Variants in ESR1 observed in about 807,000 individuals in gnomAD.
ESR1 encodes the protein estrogen receptor.
In ESR1, 12 loss-of-function variants were observed where a neutral mutation model predicts 52.7. The observed-to-expected ratio is 0.23, with a 90% CI of 0.15 to 0.37. The LOEUF (loss-of-function observed/expected upper bound fraction) is 0.37. Among genes scored for constraint, ESR1 ranks in the 10% least tolerant of loss-of-function variants. The pLI is 1.00. For missense variants in ESR1, 584 were observed against 779.7 expected (o/e 0.75, Z 2.99); for synonymous variants, 305 against 316.8 (o/e 0.96, Z 0.39).
intron 1 of ESR1, among the ~76,000 whole-genome samples, chr6:151,669,724 G>A (rs1293956): frequency 0.28 from 42,156 of 152,036 alleles, 6,466 homozygotes; most frequent in East Asian, 0.41. Context: ...CCAGCACAGA[G>A]CCTGGCCCGT....
At chr6:151,728,627 C>T (rs1336816820) in intron 2 of ESR1, among the ~76,000 whole-genome samples, 1 of 152,126 alleles carries the variant, frequency 6.6e-6, no homozygotes, top group African/African-American at 2.4e-5. Flanking sequence ...TGTATACAAC[C>T]ATTAAACCAC....
At chr6:151,764,170 G>C (rs897971789) in intron 2 of ESR1, among the ~76,000 whole-genome samples, 14 of 152,200 alleles carry the variant, frequency 9.2e-5, no homozygotes, top group African/African-American at 3.1e-4. Flanking sequence ...GACTTTCAAT[G>C]CTAAAACTGG....
intron 2 of ESR1, among the ~76,000 whole-genome samples, chr6:151,765,521 T>G (rs1422924107): frequency 6.6e-6 from 1 of 152,236 alleles, no homozygotes; most frequent in African/African-American, 2.4e-5. Context: ...TGTGTTACTC[T>G]CGTTAGCCAT....
At chr6:151,751,505 A>T (rs1783898696) in intron 2 of ESR1, among the ~76,000 whole-genome samples, 1 of 152,204 alleles carries the variant, frequency 6.6e-6, no homozygotes. Flanking sequence ...CTCCGATGGC[A>T]GTTTTGTCAG....
chr6:152,013,618 G>T (rs1191411372), intron 5 of ESR1, among the ~76,000 whole-genome samples: 7 of 152,012 alleles, frequency 4.6e-5, no homozygotes, highest in Non-Finnish European at 1.0e-4. Flanking sequence ...GAAGGTTTTT[G>T]ACATTACTGC....
intron 1 of ESR1, among the ~76,000 whole-genome samples, chr6:151,810,243 A>C (rs1009166060): frequency 2.0e-5 from 3 of 152,008 alleles, no homozygotes; most frequent in Admixed American, 2.0e-4. Context: ...ATATTCAAAC[A>C]CTCTTAGAAT....
chr6:152,125,936 A>C (rs2053257425), exon 7 of ESR1: 1 of 152,358 alleles, frequency 6.6e-6, no homozygotes, highest in South Asian at 2.1e-4. Context: ...TGCACCCCTC[A>C]TCTTTGCAAA....
intron 4 of ESR1, among the ~76,000 whole-genome samples, chr6:151,997,438 T>C (rs2041591479): frequency 6.6e-6 from 1 of 152,036 alleles, no homozygotes; most frequent in South Asian, 2.1e-4. Context: ...CTGATAAAGG[T>C]TTAATTGTAA....
chr6:151,803,232 C>T (rs1267559758), upstream of ESR1, among the ~76,000 whole-genome samples: 1 of 152,104 alleles, frequency 6.6e-6, no homozygotes, highest in Non-Finnish European at 1.5e-5. Context: ...AGATAAATAA[C>T]TCTAATTCAG....
At chr6:151,754,460 G>A (rs1481284642) in intron 2 of ESR1, among the ~76,000 whole-genome samples, 1 of 151,944 alleles carries the variant, frequency 6.6e-6, no homozygotes, top group East Asian at 1.9e-4. Flanking sequence ...TAATTATTTA[G>A]CTAAACCTTG....
rs1209546145 is a variant in ESR1, at chr6:152,094,886, G to A, written c.1553+318G>A. ...GGAGGGGGCCAATCAAGAGAAGTCA[G>A]TGAATGTACACATCCCCTGAAGACA... is the stretch of plus-strand genomic sequence containing the variant. On this transcript the variant is annotated intron_variant, in intron 7 of 7. Coordinates refer to ENST00000206249, the MANE Select transcript of ESR1 (RefSeq NM_000125.4). This position sits in a 1 kb window ranked among gnomAD's most constrained non-coding sequence, Gnocchi z 4.6. Among the ~76,000 whole-genome samples, 1 of 152,158 alleles carries A rather than the reference G, an allele frequency of 6.6e-6. No individual in the cohort carries two copies. The highest frequency in any genetic ancestry group is 2.4e-5 in the African/African-American group (1 of 41,432).
intron 2 of ESR1, among the ~76,000 whole-genome samples, chr6:151,732,006 C>T (rs1453864108): frequency 6.6e-6 from 1 of 152,158 alleles, no homozygotes; most frequent in East Asian, 1.9e-4. Context: ...CCTAGAGTTG[C>T]TCTTGGCACC....
chr6:152,028,890 C>A (rs1184352476), intron 5 of ESR1, among the ~76,000 whole-genome samples: 1 of 152,220 alleles, frequency 6.6e-6, no homozygotes, highest in East Asian at 1.9e-4. Flanking sequence ...TGGGCACACC[C>A]CAGTAGGGGC....
At chr6:151,773,809 T>C (rs1280984419) in intron 2 of ESR1, among the ~76,000 whole-genome samples, 5 of 152,302 alleles carry the variant, frequency 3.3e-5, no homozygotes, top group African/African-American at 1.2e-4. Context: ...TCTCATCTCC[T>C]CTGGTGGCAA....
At chr6:151,829,260 C>T (rs1304874985) in intron 1 of ESR1, among the ~76,000 whole-genome samples, 2 of 152,126 alleles carry the variant, frequency 1.3e-5, no homozygotes, top group African/African-American at 4.8e-5. Flanking sequence ...GCTCTTTTAT[C>T]TTCTATTCAA....
intron 2 of ESR1, among the ~76,000 whole-genome samples, chr6:151,744,023 A>T (rs1307947105): frequency 6.6e-6 from 1 of 151,974 alleles, no homozygotes; most frequent in African/African-American, 2.4e-5. Context: ...TTTGTGACTG[A>T]CTTCTTTTAC....
intron 1 of ESR1, among the ~76,000 whole-genome samples, chr6:151,693,997 C>T (rs982826335): frequency 4.6e-5 from 7 of 152,142 alleles, no homozygotes; most frequent in Non-Finnish European, 7.4e-5. Context: ...CATATGTCCA[C>T]GAGGTGGTAA....
At chr6:151,871,196 G>C (rs2431260) in intron 2 of ESR1, among the ~76,000 whole-genome samples, 115,329 of 151,642 alleles carry the variant, frequency 0.76, 44,839 homozygotes, top group African/African-American at 0.9. Context: ...ATCCATGAAA[G>C]CAGAAACCAC....
chr6:152,015,717 T>C (rs1245226691), intron 5 of ESR1, among the ~76,000 whole-genome samples: 1 of 152,206 alleles, frequency 6.6e-6, no homozygotes, highest in East Asian at 1.9e-4. Flanking sequence ...ACTTATTCTT[T>C]TAAAAACATT....
Sources: allele counts gnomAD v4.1 joint callset (sites outside exome capture counted in the v4.1 genomes callset), GRCh38; gene constraint gnomAD v4.1.1; non-coding constraint Gnocchi (gnomAD v3.1); transcripts MANE v1.5; gene names NCBI Gene and HGNC (gene_info 2026-07-23, HGNC 2026-07-21).